The following DNAH12 variants were observed in gnomAD, a reference collection of about 807,000 sequenced individuals.
DNAH12 encodes axonemal beta dynein heavy chain 12.
A neutral mutation model predicts 371.5 loss-of-function variants in DNAH12; 285 were observed. That is an observed-to-expected ratio of 0.77 (90% confidence interval 0.70 to 0.85). The LOEUF (loss-of-function observed/expected upper bound fraction) is 0.85. Among genes scored for constraint, DNAH12 ranks in the 40% least tolerant of loss-of-function variants. The probability of loss-of-function intolerance (pLI) is 0.00; values close to 1 mark genes in which losing one functional copy is unlikely to be tolerated. For synonymous variants in DNAH12, 1,200 were observed against 1,213.0 expected, an observed-to-expected ratio of 0.99 and a Z score of 0.22; for missense variants, 3,611 against 3,689.4, an observed-to-expected ratio of 0.98 and a Z score of 0.55.
chr3:57,428,436 C>T (rs1341963581), intron 34 of DNAH12, 197 bp downstream of exon 34: 1 of 1,524,446 alleles, frequency 6.6e-7, no homozygotes, highest in Non-Finnish European at 8.8e-7. Context: ...TGGTTGTATA[C>T]AAATAGTTTA....
chr3:57,357,856 A>C (rs2062836123), intron 58 of DNAH12, among the ~76,000 whole-genome samples: 1 of 152,210 alleles, frequency 6.6e-6, no homozygotes, highest in South Asian at 2.1e-4. Flanking sequence ...TAGGTATTCA[A>C]AACTATTTGT....
In DNAH12 at chr3:57,451,304, C is replaced by G. The variant is rs371624112; in HGVS notation, c.3786+1539G>C. ...CCGTAGGAAGGGTTGCCAGATTTAG[C>G]AAATAAAAATACAGAATGCCCAGTT... On this transcript the variant is annotated intron_variant, in intron 25 of 73. Coordinates refer to ENST00000495027, the MANE Select transcript of DNAH12 (RefSeq NM_001366028.2). Among the ~76,000 whole-genome samples the G allele has an allele frequency of 1.4e-4, 22 of 152,250 alleles. No individual in the cohort carries two copies. In the East Asian group the frequency reaches 3.7e-3, roughly 25 times the overall value.
intron 13 of DNAH12, among the ~76,000 whole-genome samples, chr3:57,479,645 T>G (rs1321260789): frequency 7.2e-5 from 11 of 152,140 alleles, no homozygotes; most frequent in Admixed American, 7.2e-4. Context: ...ACAGCACTTA[T>G]TCCAAAATTG....
At chr3:57,499,647 A>AAAAAT (rs1451248906) in intron 11 of DNAH12, among the ~76,000 whole-genome samples, 8 of 17,954 alleles carry the variant, frequency 4.5e-4, no homozygotes, top group East Asian at 7.4e-4. Flanking sequence ...AAAAAAAAAA[A>AAAAAT]ATATATATAT....
chr3:57,396,769 A>T (rs2063750989), intron 43 of DNAH12, among the ~76,000 whole-genome samples: 1 of 152,206 alleles, frequency 6.6e-6, no homozygotes, highest in South Asian at 2.1e-4. Flanking sequence ...ACAGAGTTTC[A>T]TCATGTTGGC....
intron 67 of DNAH12, among the ~76,000 whole-genome samples, chr3:57,310,277 A>G (rs1440191936): frequency 6.6e-6 from 1 of 152,166 alleles, no homozygotes; most frequent in Non-Finnish European, 1.5e-5. Flanking sequence ...TCTACAATTT[A>G]TCACCCTCTG....
At chr3:57,453,111 T>C in intron 24 of DNAH12, 96 bp from the exon 25 acceptor site, 2 of 1,462,990 alleles carry the variant, frequency 1.4e-6, no homozygotes, top group Non-Finnish European at 1.8e-6. Context: ...ATACTAAAAA[T>C]AATTCATGTT....
chr3:57,554,235 C>T, the DNAH12 span, among the ~76,000 whole-genome samples: 46 of 130,520 alleles, frequency 3.5e-4, 6 homozygotes, highest in South Asian at 8.9e-4. Flanking sequence ...TGCAGTGAGC[C>T]GAGATCACAC....
intron 60 of DNAH12, among the ~76,000 whole-genome samples, chr3:57,335,942 G>A (rs931728333): frequency 1.3e-5 from 2 of 152,152 alleles, no homozygotes; most frequent in African/African-American, 2.4e-5. Flanking sequence ...TTAGAGTAAA[G>A]GTTACTCTAA....
chr3:57,383,413 CA>C (rs1205086837), intron 49 of DNAH12, among the ~76,000 whole-genome samples: 1 of 151,970 alleles, frequency 6.6e-6, no homozygotes, highest in Non-Finnish European at 1.5e-5. Context: ...AATCCTATAT[CA>C]GGGGATGGAG....
intron 16 of DNAH12, among the ~76,000 whole-genome samples, chr3:57,469,424 G>A (rs1473792865): frequency 1.3e-5 from 2 of 152,152 alleles, no homozygotes; most frequent in Admixed American, 6.5e-5. Context: ...GTAGTTTGGA[G>A]ATTTTTCAAA....
chr3:57,532,691 CCT>C (rs2068893299), intron 2 of DNAH12, among the ~76,000 whole-genome samples: 1 of 152,106 alleles, frequency 6.6e-6, no homozygotes, highest in Non-Finnish European at 1.5e-5. Flanking sequence ...ACATTCAGAC[CCT>C]CTCTCTGTGT....
At chr3:57,314,367 CA>C in intron 66 of DNAH12, 126 bp downstream of exon 66, 1 of 1,173,950 alleles carries the variant, frequency 8.5e-7, no homozygotes, top group Admixed American at 2.8e-5. Context: ...CTTCATAAGC[CA>C]TAGTTATTAC....
chr3:57,538,166 G>A (rs187930801), intron 2 of DNAH12, among the ~76,000 whole-genome samples: 5 of 152,180 alleles, frequency 3.3e-5, no homozygotes, highest in Non-Finnish European at 7.3e-5. Flanking sequence ...TCAGTAAGAG[G>A]TAAAGTTTAG....
chr3:57,465,754 T>C (rs73078555), intron 17 of DNAH12, among the ~76,000 whole-genome samples: 17,728 of 151,536 alleles, frequency 0.12, 1,095 homozygotes, highest in South Asian at 0.15. Context: ...AAGAAATCAA[T>C]AAGAAAAAGG....
At chr3:57,478,273 G>A (rs890985860) in intron 13 of DNAH12, among the ~76,000 whole-genome samples, 2 of 152,156 alleles carry the variant, frequency 1.3e-5, no homozygotes, top group Non-Finnish European at 2.9e-5. Flanking sequence ...ACTACGTGAC[G>A]AATCCACAAG....
At chr3:57,480,298 C>A (rs374276091) in intron 13 of DNAH12, among the ~76,000 whole-genome samples, 6 of 152,026 alleles carry the variant, frequency 3.9e-5, no homozygotes, top group Admixed American at 3.9e-4. Flanking sequence ...AACACCTCTA[C>A]GCAAATAAAC....
chr3:57,543,892 C>T (rs2069409893), intron 1 of DNAH12, among the ~76,000 whole-genome samples: 1 of 151,638 alleles, frequency 6.6e-6, no homozygotes, highest in Non-Finnish European at 1.5e-5. Context: ...ACTAAAAATA[C>T]AAAAATTAGC....
intron 55 of DNAH12, among the ~76,000 whole-genome samples, 182 bp from the exon 56 acceptor site, chr3:57,368,442 T>C (rs1295582750): frequency 3.9e-5 from 6 of 152,002 alleles, no homozygotes; most frequent in African/African-American, 1.5e-4. Flanking sequence ...TTCTTTCTTA[T>C]TTATTTTTCA....
Sources: allele counts gnomAD v4.1 joint callset (sites outside exome capture counted in the v4.1 genomes callset), GRCh38; gene constraint gnomAD v4.1.1; transcripts MANE v1.5; gene names NCBI Gene and HGNC (gene_info 2026-07-23, HGNC 2026-07-21).